The following PPCDC variants were observed in gnomAD, a reference collection of about 807,000 sequenced individuals.
PPCDC encodes phosphopantothenoylcysteine decarboxylase.
Under a neutral mutation model 20.7 loss-of-function variants are expected in PPCDC, and 20 were observed. The observed-to-expected ratio is 0.97, with a 90% CI of 0.68 to 1.41. The LOEUF is 1.41. Among genes scored for constraint, PPCDC ranks in the 40% most tolerant of loss-of-function variants. The pLI, the probability that PPCDC is intolerant of heterozygous loss-of-function variation, is 0.00. For missense variants in PPCDC, 246 were observed against 263.8 expected, an observed-to-expected ratio of 0.93 and a Z score of 0.47; for synonymous variants, 88 against 100.3, an observed-to-expected ratio of 0.88 and a Z score of 0.73.
rs1188114272 is a variant in PPCDC, at chr15:75,049,554, A to G, written c.*319A>G. 7.1e-6 allele frequency: 2 copies of G among 281,488 alleles called. No homozygotes were observed. The highest frequency in any genetic ancestry group is 6.7e-6 in the Non-Finnish European group (1 of 148,160). 17.4% of individuals were successfully genotyped at this position (281,488 alleles called of 1,614,324 possible). ...CTGGGAAAACTCGGCTCTACATCTC[A>G]CCCAGAACGGCTTTTAGAAACACCA... On this transcript the variant is annotated 3_prime_UTR_variant, in exon 6 of 6. Coordinates refer to ENST00000342932, the MANE Select transcript of PPCDC (RefSeq NM_021823.5).
In PPCDC at chr15:75,050,005, CAG is replaced by C. The variant is rs2066295273; in HGVS notation, c.*771_*772del. 1 of 152,216 alleles carries C rather than the reference CAG, an allele frequency of 6.6e-6. No homozygotes were observed. Among genetic ancestry groups the C allele is most frequent in the African/African-American group, 2.4e-5 (1 of 41,446 alleles). 9.4% of individuals were successfully genotyped at this position (152,216 alleles called of 1,614,324 possible). ...CTCAGCTATCTTGTTATCCTACCCTCAGGGAGTTGTTGAGAGGATTCAGTGAA... is the reference window on the plus strand; with the variant it reads ...CTCAGCTATCTTGTTATCCTACCCTCGGAGTTGTTGAGAGGATTCAGTGAA... On this transcript the variant is annotated 3_prime_UTR_variant, in exon 6 of 6. Transcript: ENST00000342932.
intron 2 of PPCDC, among the ~76,000 whole-genome samples, chr15:75,029,638 G>T (rs1021585313): frequency 2.6e-5 from 4 of 152,308 alleles, no homozygotes; most frequent in Middle Eastern, 6.8e-3. Flanking sequence ...AGGCCAGAGT[G>T]GGGGAGGGAG....
intron 4 of PPCDC, 78 bp downstream of exon 4, chr15:75,044,592 G>T (rs2066204090): frequency 1.3e-6 from 2 of 1,545,474 alleles, no homozygotes; most frequent in East Asian, 2.3e-5. Context: ...CCTTGTACAA[G>T]GAGACCTGCT....
chr15:75,047,757 T>C (rs2066256917), intron 4 of PPCDC, among the ~76,000 whole-genome samples: 1 of 152,254 alleles, frequency 6.6e-6, no homozygotes, highest in Admixed American at 6.5e-5. Context: ...TTCAGTCCCA[T>C]GTCCAGGTTC....
chr15:75,048,434 C>A, intron 4 of PPCDC, 119 bp from the exon 5 acceptor site: 1 of 1,357,034 alleles, frequency 7.4e-7, no homozygotes, highest in Non-Finnish European at 1.0e-6. Flanking sequence ...TCCCTGCAGG[C>A]AGGCTGTGCC....
At chr15:75,045,757 C>T (rs2066224463) in intron 4 of PPCDC, among the ~76,000 whole-genome samples, 2 of 152,068 alleles carry the variant, frequency 1.3e-5, no homozygotes, top group South Asian at 4.2e-4. Context: ...AGAAGGCTTT[C>T]CCTATAGTCC....
intron 2 of PPCDC, among the ~76,000 whole-genome samples, chr15:75,029,014 C>G (rs183478947): frequency 6.6e-6 from 1 of 152,166 alleles, no homozygotes; most frequent in Non-Finnish European, 1.5e-5. Flanking sequence ...CTCTAGCCCC[C>G]GTCCTTGGCC....
intron 2 of PPCDC, 177 bp from the exon 3 acceptor site, chr15:75,043,264 G>T: frequency 1.7e-6 from 1 of 582,752 alleles, no homozygotes. Flanking sequence ...TGACCTTTGG[G>T]TGACAGCAGA....
intron 4 of PPCDC, 134 bp from the exon 5 acceptor site, chr15:75,048,419 A>C: frequency 8.2e-7 from 1 of 1,220,632 alleles, no homozygotes; most frequent in Non-Finnish European, 1.1e-6. Context: ...GAGGGATGAG[A>C]CAGCTCCCTG....
At position 75,049,764 on chromosome 15, in the gene PPCDC, C is replaced by T. The variant is rs1295707477; in HGVS notation, c.*529C>T. 1.3e-5 allele frequency: 2 copies of T among 154,220 alleles called. No homozygotes were observed. The highest frequency in any genetic ancestry group is 3.8e-4 in the East Asian group (2 of 5,202). The allele number at this position is 154,220 out of a possible 1,614,324, so 9.6% of individuals were successfully genotyped here. On this transcript the variant is annotated 3_prime_UTR_variant, in exon 6 of 6. Coordinates refer to ENST00000342932, the MANE Select transcript of PPCDC (RefSeq NM_021823.5). ...TTTAGGAGACTCCATTCTTTCCCTA[C>T]AACCCAGCTGTGGTCCCAGAGATCA...
intron 2 of PPCDC, among the ~76,000 whole-genome samples, chr15:75,040,707 T>A (rs764276916): frequency 1.3e-5 from 2 of 152,236 alleles, no homozygotes; most frequent in African/African-American, 4.8e-5. Context: ...TCACCCAGGC[T>A]GGAGTGCAGT....
chr15:75,041,853 C>T (rs551662889), intron 2 of PPCDC, among the ~76,000 whole-genome samples: 2 of 152,284 alleles, frequency 1.3e-5, no homozygotes, highest in African/African-American at 4.8e-5. Context: ...TCCACCCTGC[C>T]CTGTACAATA....
intron 2 of PPCDC, among the ~76,000 whole-genome samples, chr15:75,041,651 C>T (rs1448050715): frequency 6.6e-6 from 1 of 152,104 alleles, no homozygotes; most frequent in African/African-American, 2.4e-5. Flanking sequence ...AAGTGATGGA[C>T]CTCTGAAAAG....
At chr15:75,025,031 C>A (rs1236657787) in intron 1 of PPCDC, among the ~76,000 whole-genome samples, 2 of 152,146 alleles carry the variant, frequency 1.3e-5, no homozygotes, top group Non-Finnish European at 2.9e-5. Flanking sequence ...GATCCTCCTG[C>A]CTCAGCCTCC....
intron 2 of PPCDC, among the ~76,000 whole-genome samples, chr15:75,042,367 C>T (rs34142677): frequency 0.12 from 17,999 of 152,156 alleles, 1,212 homozygotes; most frequent in Middle Eastern, 0.28. Context: ...TCTTGTTTTA[C>T]AGGCTGGGTG....
At chr15:75,028,605 G>A (rs1465904161) in intron 2 of PPCDC, 152 bp downstream of exon 2, 44 of 1,147,126 alleles carry the variant, frequency 3.8e-5, no homozygotes, top group Non-Finnish European at 5.1e-5. Flanking sequence ...GTGCTCTGTG[G>A]AGGATTCAGG....
intron 2 of PPCDC, among the ~76,000 whole-genome samples, chr15:75,030,482 A>G (rs1367760683): frequency 6.6e-6 from 1 of 152,246 alleles, no homozygotes; most frequent in African/African-American, 2.4e-5. Flanking sequence ...TTTCATCTGC[A>G]GGGAGACAGC....
chr15:75,048,630 C>T lies in PPCDC; in HGVS notation c.438C>T (p.His146=). 6.2e-7 allele frequency: 1 copy of T among 1,614,234 alleles called. No homozygotes were observed. The highest frequency in any genetic ancestry group is 8.5e-7 in the Non-Finnish European group (1 of 1,180,038). Residue 146 remains histidine, a synonymous_variant, in exon 5 of 6, where the codon CAC becomes CAT. Transcript: ENST00000342932. Reference sequence around the variant, plus strand: ...CCATGAACACCGCCATGTGGGAGCACCCGATCACAGCGCAGCAGGTAGACC... The same window carrying T: ...CCATGAACACCGCCATGTGGGAGCATCCGATCACAGCGCAGCAGGTAGACC... ...CPAMNTAMWE[H]PITAQQVDQL... is the part of the protein sequence containing the mutation.
chr15:75,049,446 AG>A lies in PPCDC; in HGVS notation c.*212del. On this transcript the variant is annotated 3_prime_UTR_variant, in exon 6 of 6. Transcript: ENST00000342932. ...TCAACCAGGAGAGGCCGCTGCCTAG[AG>A]CCCCTCCCCACCTTTTCCTGGATGG... The A allele has an allele frequency of 1.7e-6, 1 of 571,954 alleles. No homozygotes were observed. The highest frequency in any genetic ancestry group is 3.1e-6 in the Non-Finnish European group (1 of 321,520). The allele number at this position is 571,954 out of a possible 1,614,324, so 35.4% of individuals were successfully genotyped here.
Sources: allele counts gnomAD v4.1 joint callset (sites outside exome capture counted in the v4.1 genomes callset), GRCh38; gene constraint gnomAD v4.1.1; transcripts MANE v1.5; gene names NCBI Gene and HGNC (gene_info 2026-07-23, HGNC 2026-07-21).